Variants in UNC5D observed in about 807,000 individuals in gnomAD.
The protein encoded by UNC5D is netrin receptor UNC5D.
Under a neutral mutation model 105.4 loss-of-function variants are expected in UNC5D, and 39 were observed. That is an observed-to-expected ratio of 0.37 (90% CI 0.29 to 0.48). UNC5D has a LOEUF of 0.48. UNC5D is among the 20% of genes least tolerant of loss of function. The probability of loss-of-function intolerance (pLI) is 0.98; values close to 1 mark genes in which losing one functional copy is unlikely to be tolerated. For synonymous variants in UNC5D, 452 were observed against 450.4 expected (o/e 1.00, Z -0.04); for missense variants, 991 against 1,202.4 (o/e 0.82, Z 2.60).
At chr8:35,741,343 C>T (rs1181447581) in intron 11 of UNC5D, among the ~76,000 whole-genome samples, 2 of 152,154 alleles carry the variant, frequency 1.3e-5, no homozygotes, top group South Asian at 2.1e-4. Context: ...ACCCCGTATG[C>T]CATCTCTTTC....
At chr8:35,662,402 A>T (rs1431990460) in intron 4 of UNC5D, among the ~76,000 whole-genome samples, 1 of 152,136 alleles carries the variant, frequency 6.6e-6, no homozygotes, top group Non-Finnish European at 1.5e-5. Flanking sequence ...GTTGATAGAG[A>T]TTGCAAATGT....
chr8:35,492,155 A>G (rs1001613557), intron 1 of UNC5D, among the ~76,000 whole-genome samples: 2 of 148,314 alleles, frequency 1.3e-5, no homozygotes, highest in Admixed American at 6.8e-5. Context: ...TTTCAGTGCC[A>G]TTATTTCCTT....
At chr8:35,749,623 T>C (rs1037237064) in intron 12 of UNC5D, among the ~76,000 whole-genome samples, 4 of 152,320 alleles carry the variant, frequency 2.6e-5, no homozygotes, top group African/African-American at 9.6e-5. Flanking sequence ...TGCTATTTAG[T>C]GCGTTTTAGT....
At chr8:35,267,524 C>T (rs962504634) in intron 1 of UNC5D, among the ~76,000 whole-genome samples, 5 of 152,016 alleles carry the variant, frequency 3.3e-5, no homozygotes, top group African/African-American at 4.8e-5. Flanking sequence ...CTGCAACCTC[C>T]GCCTCCCGGA....
chr8:35,685,924 C>T (rs1003434939), intron 6 of UNC5D, among the ~76,000 whole-genome samples: 3 of 152,156 alleles, frequency 2.0e-5, no homozygotes, highest in Non-Finnish European at 4.4e-5. Context: ...GCAATTGCCT[C>T]AGACATCTGC....
chr8:35,248,329 A>AGATATAT, intron 1 of UNC5D, among the ~76,000 whole-genome samples: 1 of 117,224 alleles, frequency 8.5e-6, no homozygotes, highest in African/African-American at 3.6e-5. Flanking sequence ...ATGTTATATA[A>AGATATAT]AATATATAAT....
chr8:35,437,787 CCTTTT>C, intron 1 of UNC5D, among the ~76,000 whole-genome samples: 1 of 151,628 alleles, frequency 6.6e-6, no homozygotes, highest in Non-Finnish European at 1.5e-5. Flanking sequence ...TTTGTGAGTA[CCTTTT>C]CTGCGAGAAA....
At chr8:35,448,749 C>T (rs192065996) in intron 1 of UNC5D, among the ~76,000 whole-genome samples, 143 of 152,242 alleles carry the variant, frequency 9.4e-4, no homozygotes, top group African/African-American at 3.3e-3. Flanking sequence ...ATTTTCTCAT[C>T]TCTGACCCCT....
rs773379186 is a variant in UNC5D at position 35,686,632 on chromosome 8, C to A, written c.1007C>A (p.Pro336His). 6.2e-7 allele frequency: 1 copy of A among 1,606,970 alleles called. No individual in the cohort carries two copies. Among genetic ancestry groups the A allele is most frequent in the Admixed American group, 1.7e-5 (1 of 57,696 alleles). ...CGGATCCGGGAGTGCACAGCACCAC[C>A]CCCGAGAAATGGGGGCAAATTCTGT... ...HLRIRECTAP[P>H]PRNGGKFCEG... Residue 336 changes from proline (P) to histidine (H), a missense_variant, in exon 7 of 17, where the codon CCC becomes CAC. This residue lies in a region of UNC5D where 944 missense variants were observed against 1,131.6 expected (regional missense o/e 0.83). Transcript: ENST00000404895.
chr8:35,757,408 T>C (rs1830563466), intron 13 of UNC5D, among the ~76,000 whole-genome samples: 1 of 152,104 alleles, frequency 6.6e-6, no homozygotes, highest in Non-Finnish European at 1.5e-5. Flanking sequence ...CTGCTCAGCA[T>C]CTGGAGTGTT....
chr8:35,629,490 C>T (rs969527724), intron 4 of UNC5D, among the ~76,000 whole-genome samples: 1 of 151,712 alleles, frequency 6.6e-6, no homozygotes, highest in Non-Finnish European at 1.5e-5. Context: ...AGGAGCTAAA[C>T]ATAAGGTATT....
intron 2 of UNC5D, among the ~76,000 whole-genome samples, chr8:35,553,301 G>A (rs550615966): frequency 6.6e-5 from 10 of 150,776 alleles, no homozygotes; most frequent in South Asian, 4.2e-4. Context: ...TGTGGATAGC[G>A]TTTTTTATTA....
At chr8:35,767,626 G>A (rs551323051) in intron 15 of UNC5D, among the ~76,000 whole-genome samples, 3 of 152,250 alleles carry the variant, frequency 2.0e-5, no homozygotes, top group African/African-American at 7.2e-5. Context: ...ATATAAGGAG[G>A]ACAGGACAGT....
At chr8:35,638,312 T>C (rs1349472578) in intron 4 of UNC5D, among the ~76,000 whole-genome samples, 2 of 152,104 alleles carry the variant, frequency 1.3e-5, no homozygotes. Flanking sequence ...TGAAGACTCT[T>C]TTAAATACAG....
intron 4 of UNC5D, among the ~76,000 whole-genome samples, chr8:35,598,820 C>T (rs898806908): frequency 1.4e-4 from 22 of 152,168 alleles, no homozygotes; most frequent in Admixed American, 3.9e-4. Flanking sequence ...AAAAATACCA[C>T]GGGATCTCAC....
intron 4 of UNC5D, among the ~76,000 whole-genome samples, chr8:35,659,442 C>T (rs1291461866): frequency 1.3e-5 from 2 of 152,216 alleles, no homozygotes; most frequent in East Asian, 1.9e-4. Flanking sequence ...CAAGGTAGAA[C>T]TAGTAAACCA....
rs151074488 is a variant in UNC5D at position 35,592,946 on chromosome 8, TTCTACCCAA to T, written c.467-2604_467-2596del. On this transcript the variant is annotated intron_variant, in intron 3 of 16. Transcript: ENST00000404895. ...AGCAGCAGGTTGGATTGGCCTTTTC[TTCTACCCAA>T]TCTTGCCTATGTGAGATCTATTAGA... 8.5e-3 allele frequency among the ~76,000 whole-genome samples: 1,296 copies of T among 152,120 alleles called. 18 individuals are homozygous for T. Among genetic ancestry groups the T allele is most frequent in the African/African-American group, 0.03 (1,240 of 41,476 alleles).
intron 7 of UNC5D, among the ~76,000 whole-genome samples, chr8:35,698,774 AT>A (rs1325716276): frequency 6.6e-6 from 1 of 152,138 alleles, no homozygotes; most frequent in African/African-American, 2.4e-5. Context: ...TTTTTAAACA[AT>A]TTTTAAATAT....
At chr8:35,497,994 A>G (rs1200869093) in intron 1 of UNC5D, among the ~76,000 whole-genome samples, 1 of 149,066 alleles carries the variant, frequency 6.7e-6, no homozygotes, top group Non-Finnish European at 1.5e-5. Context: ...GCCTGAACCC[A>G]GGAGGCAGAG....
Sources: gnomAD v4.1 joint callset for allele counts (sites outside exome capture counted in the v4.1 genomes callset) on GRCh38, gnomAD v4.1.1 for gene constraint, gnomAD v4.1.1 regional missense constraint, MANE v1.5 for transcripts, NCBI Gene and HGNC (gene_info 2026-07-23, HGNC 2026-07-21) for gene names.